EFCAB6: variants seen among roughly 807,000 people sequenced by gnomAD.
EFCAB6 encodes EF-hand calcium-binding domain-containing protein 6.
EFCAB6 carries 156 observed loss-of-function variants against 169.8 expected under a neutral mutation model. That is an observed-to-expected ratio of 0.92 (90% CI 0.81 to 1.05). The LOEUF is 1.05. Ranked by LOEUF, EFCAB6 falls within the 50% of genes least tolerant of loss-of-function variation. The pLI, the probability that EFCAB6 is intolerant of heterozygous loss-of-function variation, is 0.00. For missense variants in EFCAB6, 1,800 were observed against 1,829.1 expected (o/e 0.98, Z 0.29); for synonymous variants, 698 against 676.4 (o/e 1.03, Z -0.50).
At chr22:43,808,442 G>A (rs2062994056) in intron 2 of EFCAB6, among the ~76,000 whole-genome samples, 1 of 152,156 alleles carries the variant, frequency 6.6e-6, no homozygotes, top group Non-Finnish European at 1.5e-5. Context: ...TTACTGACAT[G>A]CAAAACTGTG....
At chr22:43,550,218 GAC>G (rs1569142549) in intron 27 of EFCAB6, among the ~76,000 whole-genome samples, 1 of 152,142 alleles carries the variant, frequency 6.6e-6, no homozygotes, top group East Asian at 1.9e-4. Flanking sequence ...CACCGAGGGA[GAC>G]ACAAGCTCAG....
At chr22:43,687,741 A>G (rs2058259104) in intron 10 of EFCAB6, among the ~76,000 whole-genome samples, 160 bp from the exon 11 acceptor site, 1 of 152,236 alleles carries the variant, frequency 6.6e-6, no homozygotes, top group African/African-American at 2.4e-5. Flanking sequence ...TAGTACTACA[A>G]ATTGATTTTT....
At chr22:43,697,306 G>T (rs970621925) in intron 10 of EFCAB6, among the ~76,000 whole-genome samples, 1 of 152,060 alleles carries the variant, frequency 6.6e-6, no homozygotes, top group African/African-American at 2.4e-5. Flanking sequence ...AATTTCAAAG[G>T]TTTCTTTAAT....
intron 11 of EFCAB6, among the ~76,000 whole-genome samples, chr22:43,685,282 T>C (rs1358763338): frequency 6.6e-6 from 1 of 152,018 alleles, no homozygotes; most frequent in African/African-American, 2.4e-5. Context: ...AAGCACTGTG[T>C]TGGGCGTGCC....
intron 17 of EFCAB6, among the ~76,000 whole-genome samples, chr22:43,642,646 C>T (rs2055878959): frequency 6.6e-6 from 1 of 152,188 alleles, no homozygotes; most frequent in East Asian, 1.9e-4. Context: ...CAGAATAGGT[C>T]TAATTTGTAC....
chr22:43,690,517 G>GAA (rs143792481), intron 10 of EFCAB6, among the ~76,000 whole-genome samples: 222 of 132,836 alleles, frequency 1.7e-3, no homozygotes, highest in South Asian at 5.7e-3. Context: ...CTCCGTCTCA[G>GAA]AAAAAAAAAA....
chr22:43,569,308 C>G (rs1214045082), intron 26 of EFCAB6, among the ~76,000 whole-genome samples: 1 of 152,236 alleles, frequency 6.6e-6, no homozygotes, highest in Non-Finnish European at 1.5e-5. Flanking sequence ...GTGCAACCTC[C>G]TTGCCAACTT....
chr22:43,542,379 A>C (rs2047787217), intron 27 of EFCAB6, among the ~76,000 whole-genome samples: 2 of 152,306 alleles, frequency 1.3e-5, no homozygotes, highest in South Asian at 4.2e-4. Flanking sequence ...CAGGCGTTTG[A>C]GACCAGCCTG....
chr22:43,626,586 T>G lies in EFCAB6; in HGVS notation c.2326A>C (p.Asn776His), dbSNP rs199906045. 7 of 1,614,250 alleles carry G rather than the reference T, an allele frequency of 4.3e-6. No homozygotes were observed. In the South Asian group the frequency reaches 7.7e-5, roughly 18 times the overall value. ...CGCTCAAACTCGTCGTCTTTGAGAT[T>G]AAGCAGTAGATGCAGGAGCAGTCTG... ...LHRLLLHLLL[N>H]LKDDEFERFL... Residue 776 changes from asparagine to histidine, a missense_variant, in exon 20 of 32, where the codon AAT (asparagine) becomes CAT (histidine). Physicochemically the swap from Asn to His is moderately conservative, Grantham distance 68. Coordinates refer to ENST00000262726, the MANE Select transcript of EFCAB6 (RefSeq NM_022785.4).
rs1375559339 is a variant in EFCAB6, at chr22:43,572,507, A to C, written c.3420+3790T>G. Among the ~76,000 whole-genome samples, 2 of 152,130 alleles carry C rather than the reference A, an allele frequency of 1.3e-5. No individual in the cohort carries two copies. Among genetic ancestry groups the C allele is most frequent in the South Asian group, 4.1e-4 (2 of 4,824 alleles). On this transcript the variant is annotated intron_variant, in intron 26 of 31. Coordinates refer to ENST00000262726, the MANE Select transcript of EFCAB6 (RefSeq NM_022785.4). The surrounding 1 kb of genome is among the most constrained non-coding windows in gnomAD (Gnocchi z 4.0). ...TCAGAGTCAAAGCCAAAGTCTTTAC[A>C]AGGACCCCAAGCCTACGGCCGCCTG...
Position 43,782,181 on chromosome 22 carries a change from TGAA to T in EFCAB6, c.135_137del (p.Ser46del), listed in dbSNP as rs1427377639. On this transcript the variant is annotated inframe_deletion and splice_region_variant, in exon 3 of 32. Coordinates refer to ENST00000262726, the MANE Select transcript of EFCAB6 (RefSeq NM_022785.4). Reference sequence around the variant, plus strand: ...TCTTATTTGCTCATGAATACTTACTTGAAGAAGATCTGAACTTATTTGGGGAAC... The same window carrying T: ...TCTTATTTGCTCATGAATACTTACTTGAAGATCTGAACTTATTTGGGGAAC... 2.5e-6 allele frequency: 4 copies of T among 1,611,546 alleles called. No homozygotes were observed. The highest frequency in any genetic ancestry group is 3.4e-5 in the Admixed American group (2 of 59,404).
At chr22:43,664,070 C>T (rs761037255) in intron 17 of EFCAB6, among the ~76,000 whole-genome samples, 8 of 152,230 alleles carry the variant, frequency 5.3e-5, no homozygotes, top group Admixed American at 2.0e-4. Context: ...AAAGGAAGGG[C>T]TAGGAGCATG....
At chr22:43,553,634 T>C (rs907953603) in intron 27 of EFCAB6, 12 of 152,450 alleles carry the variant, frequency 7.9e-5, no homozygotes, top group Admixed American at 5.2e-4. Context: ...CTGGTGCTGG[T>C]GTTCAGTGTG....
At chr22:43,785,418 C>T (rs1404261935) in intron 2 of EFCAB6, among the ~76,000 whole-genome samples, 1 of 148,298 alleles carries the variant, frequency 6.7e-6, no homozygotes. Context: ...ACCAATGAGT[C>T]AAAAAAAAAA....
At chr22:43,555,761 A>C (rs2048669859) in intron 26 of EFCAB6, among the ~76,000 whole-genome samples, 2 of 152,196 alleles carry the variant, frequency 1.3e-5, no homozygotes, top group Non-Finnish European at 2.9e-5. Context: ...AGGGGGTTGG[A>C]GTGTGGTTCA....
chr22:43,692,909 T>A (rs1335981573), intron 10 of EFCAB6, among the ~76,000 whole-genome samples: 1 of 152,136 alleles, frequency 6.6e-6, no homozygotes, highest in East Asian at 1.9e-4. Context: ...TCAAGCATGA[T>A]ATACATGAAA....
chr22:43,563,365 T>G (rs2049194849), intron 26 of EFCAB6, among the ~76,000 whole-genome samples: 1 of 152,028 alleles, frequency 6.6e-6, no homozygotes, highest in South Asian at 2.1e-4. Flanking sequence ...CTCAGGAGCT[T>G]GAGACCAGCC....
intron 2 of EFCAB6, among the ~76,000 whole-genome samples, chr22:43,791,507 C>T (rs1417875179): frequency 6.6e-6 from 1 of 151,878 alleles, no homozygotes; most frequent in African/African-American, 2.4e-5. Context: ...CCAACGTTCA[C>T]CGTTGAAGGA....
intron 27 of EFCAB6, among the ~76,000 whole-genome samples, chr22:43,541,521 A>G (rs4823135): frequency 0.69 from 104,667 of 152,128 alleles, 36,341 homozygotes; most frequent in East Asian, 0.86. Context: ...GGGCATGGGC[A>G]CAGTGCGGGT....
Sources: gnomAD v4.1 joint callset for allele counts (sites outside exome capture counted in the v4.1 genomes callset) on GRCh38, gnomAD v4.1.1 for gene constraint, Gnocchi (gnomAD v3.1) non-coding constraint, MANE v1.5 for transcripts, NCBI Gene and HGNC (gene_info 2026-07-23, HGNC 2026-07-21) for gene names.